Variants in THNSL1 observed in about 807,000 individuals in gnomAD.
The protein encoded by THNSL1 is threonine synthase like 1.
THNSL1 carries 48 observed loss-of-function variants against 50.4 expected under a neutral mutation model. The observed-to-expected ratio is 0.95, with a 90% CI of 0.76 to 1.21. THNSL1 has a LOEUF of 1.21. Among genes scored for constraint, THNSL1 ranks in the 50% most tolerant of loss-of-function variants. THNSL1 has a pLI of 0.00. For synonymous variants in THNSL1, 309 were observed against 306.1 expected, an observed-to-expected ratio of 1.01 and a Z score of -0.10; for missense variants, 896 against 871.7, an observed-to-expected ratio of 1.03 and a Z score of -0.35.
At chr10:24,995,479 C>T in the THNSL1 span, among the ~76,000 whole-genome samples, 5 of 152,218 alleles carry the variant, frequency 3.3e-5, no homozygotes, top group Non-Finnish European at 2.9e-5. Context: ...TTTGTAACTT[C>T]ATCCCATTAC....
At chr10:24,955,365 T>C in the THNSL1 span, among the ~76,000 whole-genome samples, 2 of 152,188 alleles carry the variant, frequency 1.3e-5, no homozygotes, top group Non-Finnish European at 2.9e-5. Context: ...TGGAATAGCT[T>C]TGGACTAGGA....
At chr10:24,997,807 TTA>T in the THNSL1 span, among the ~76,000 whole-genome samples, 128 of 144,720 alleles carry the variant, frequency 8.8e-4, 2 homozygotes, top group African/African-American at 2.1e-3. Context: ...CACAAAGGAT[TTA>T]TATATATATA....
At chr10:25,015,947 T>C (rs61522642), upstream of THNSL1, 2,423 of 1,604,348 alleles carry the variant, frequency 1.5e-3, 20 homozygotes, top group Middle Eastern at 0.01. Flanking sequence ...GGCCACCAAA[T>C]GACTCCTTAA....
the THNSL1 span, among the ~76,000 whole-genome samples, chr10:24,968,419 A>G: frequency 0.012 from 1,901 of 152,134 alleles, 44 homozygotes; most frequent in African/African-American, 0.043. Flanking sequence ...CCAATCTTCA[A>G]CCCATCTCTA....
chr10:25,024,881 A>C lies in THNSL1; in HGVS notation c.1658A>C (p.Glu553Ala), dbSNP rs1040148343. ...AAAACAGGACATTATGATCTAAGGG[A>C]AAGAAAACTAGCACAAACCTTTTCA... Reference protein sequence around the residue: ...FIKTGHYDLRERKLAQTFSPS... With the variant: ...FIKTGHYDLRARKLAQTFSPS... Residue 553 changes from glutamate to alanine, a missense_variant, in exon 3 of 3, where the codon GAA (glutamate) becomes GCA (alanine). Coordinates refer to ENST00000376356, the MANE Select transcript of THNSL1 (RefSeq NM_024838.5). The C allele has an allele frequency of 4.3e-6, 7 of 1,614,036 alleles. No homozygotes were observed. Among genetic ancestry groups the C allele is most frequent in the Non-Finnish European group, 5.9e-6 (7 of 1,180,030 alleles).
At chr10:24,987,302 G>T in the THNSL1 span, among the ~76,000 whole-genome samples, 1 of 152,104 alleles carries the variant, frequency 6.6e-6, no homozygotes, top group South Asian at 2.1e-4. Context: ...AGTGCTTCTT[G>T]TTGGTTCCCT....
At chr10:25,004,148 G>A in the THNSL1 span, among the ~76,000 whole-genome samples, 3 of 152,172 alleles carry the variant, frequency 2.0e-5, no homozygotes, top group Non-Finnish European at 4.4e-5. Context: ...TGGTGTATAT[G>A]TATCACCTTT....
the THNSL1 span, chr10:24,996,002 A>G: frequency 2.9e-6 from 2 of 694,520 alleles, no homozygotes; most frequent in African/African-American, 1.8e-5. Context: ...TTTAAGATAG[A>G]AGTTTATGCT....
the THNSL1 span, among the ~76,000 whole-genome samples, chr10:25,009,587 T>C: frequency 6.6e-6 from 1 of 152,154 alleles, no homozygotes; most frequent in Non-Finnish European, 1.5e-5. Context: ...GAGAGAGGTG[T>C]CTAGTAGCCT....
chr10:24,973,173 T>C, the THNSL1 span, among the ~76,000 whole-genome samples: 1 of 152,174 alleles, frequency 6.6e-6, no homozygotes, highest in Non-Finnish European at 1.5e-5. Flanking sequence ...AAGCACTTTA[T>C]GGCTTTGCTT....
At chr10:25,007,593 C>G in the THNSL1 span, among the ~76,000 whole-genome samples, 1 of 152,124 alleles carries the variant, frequency 6.6e-6, no homozygotes, top group African/African-American at 2.4e-5. Flanking sequence ...CGCCACCACA[C>G]CCGGGTAATT....
rs1307589184 is a variant in THNSL1 at position 25,024,451 on chromosome 10, A to C, written c.1228A>C (p.Asn410His). ...AGCTGTGGTTGCATTTTTTCCTGAG[A>C]ATGGAGTAAGTGATTTTCAAAAAGC... ...RIAVVAFFPE[N>H]GVSDFQKAQI... Residue 410 changes from asparagine (N) to histidine (H), a missense_variant, in exon 3 of 3, where the codon AAT becomes CAT. By Grantham distance (68) the Asn-to-His change is moderately conservative. Coordinates refer to ENST00000376356, the MANE Select transcript of THNSL1 (RefSeq NM_024838.5). 1 of 1,614,126 alleles carries C rather than the reference A, an allele frequency of 6.2e-7. No homozygotes were observed. The highest frequency in any genetic ancestry group is 1.6e-4 in the Middle Eastern group (1 of 6,062).
chr10:24,970,333 A>C, the THNSL1 span, among the ~76,000 whole-genome samples: 1 of 152,182 alleles, frequency 6.6e-6, no homozygotes, highest in African/African-American at 2.4e-5. Context: ...GTCAAATCCA[A>C]CTGACTGCAT....
chr10:24,978,775 C>T, the THNSL1 span, among the ~76,000 whole-genome samples: 3 of 152,096 alleles, frequency 2.0e-5, no homozygotes, highest in African/African-American at 7.2e-5. Context: ...GTTTGGAGAC[C>T]AAACTCTTGT....
At chr10:24,989,772 TAAAC>T in the THNSL1 span, among the ~76,000 whole-genome samples, 3 of 152,020 alleles carry the variant, frequency 2.0e-5, no homozygotes, top group African/African-American at 4.8e-5. Flanking sequence ...AAATGAAAAA[TAAAC>T]AAAGAATTAA....
chr10:25,003,177 A>T, the THNSL1 span, among the ~76,000 whole-genome samples: 50,620 of 145,030 alleles, frequency 0.35, 10,163 homozygotes, highest in East Asian at 0.56. Context: ...TTAATTAATT[A>T]ATTAATTTAT....
chr10:24,998,648 G>A, the THNSL1 span, among the ~76,000 whole-genome samples: 1 of 151,946 alleles, frequency 6.6e-6, no homozygotes, highest in East Asian at 1.9e-4. Flanking sequence ...CTTGGGCTAT[G>A]AAGAAATTGC....
Position 25,023,533 on chromosome 10 carries a change from C to T in THNSL1, c.310C>T (p.Gln104Ter), listed in dbSNP as rs1850768101. Residue 104 changes from glutamine to a stop codon, truncating the protein, a stop_gained, in exon 3 of 3, where the codon CAG (glutamine) becomes TAG (stop). Coordinates refer to ENST00000376356, the MANE Select transcript of THNSL1 (RefSeq NM_024838.5). LOFTEE classifies it high-confidence loss of function. ...GAATATGAGTGTGTCTGAAAAATTA[C>T]AGGATGTTGGTAATGAGCAATTTTT... ...TWNMSVSEKL[Q>*]DVGNEQFLEE... 2.5e-6 allele frequency: 4 copies of T among 1,613,970 alleles called. No individual in the cohort carries two copies. Among genetic ancestry groups the T allele is most frequent in the Non-Finnish European group, 3.4e-6 (4 of 1,179,998 alleles).
upstream of THNSL1, among the ~76,000 whole-genome samples, chr10:25,013,957 TA>T (rs34467911): frequency 0.34 from 50,484 of 148,912 alleles, 8,698 homozygotes; most frequent in East Asian, 0.5. Context: ...AAAAAGTAAT[TA>T]AAAAAAAAAG....
Sources: gnomAD v4.1 joint callset for allele counts (sites outside exome capture counted in the v4.1 genomes callset) on GRCh38, gnomAD v4.1.1 for gene constraint, MANE v1.5 for transcripts, NCBI Gene and HGNC (gene_info 2026-07-23, HGNC 2026-07-21) for gene names.